Variants in OCA2 observed in about 807,000 individuals in gnomAD.
OCA2 encodes the protein OCA2 melanosomal transmembrane protein.
Under a neutral mutation model 100.2 loss-of-function variants are expected in OCA2, and 77 were observed. The ratio of observed to expected loss-of-function variants is 0.77; its 90% CI spans 0.64 to 0.93. The LOEUF is 0.93. Ranked by LOEUF, OCA2 falls within the 40% of genes least tolerant of loss-of-function variation. OCA2 has a pLI of 0.00. For missense variants in OCA2, 1,062 were observed against 1,089.1 expected, an observed-to-expected ratio of 0.98 and a Z score of 0.35; for synonymous variants, 432 against 439.2, an observed-to-expected ratio of 0.98 and a Z score of 0.21.
chr15:27,757,027 A>G (rs2030433311), intron 23 of OCA2, among the ~76,000 whole-genome samples: 1 of 152,174 alleles, frequency 6.6e-6, no homozygotes, highest in African/African-American at 2.4e-5. Flanking sequence ...CTCCCTCACA[A>G]CACCTAGTCA....
Position 27,951,835 on chromosome 15 carries a change from T to C in OCA2, c.1900A>G (p.Ile634Val). ...AACGAATTGAGGAAAAACATGAAGA[T>C]AACAAATCCCAACACTGTCAGGCAT... ...AKCLTVLGFV[I>V]FMFFLNSFVP... The change falls in exon 18 of 24, where the codon ATC becomes GTC. Residue 634 changes from isoleucine (I) to valine (V), a missense_variant. Ile to Val is a conservative substitution (Grantham distance 29). Transcript: ENST00000354638. The C allele has an allele frequency of 6.2e-7, 1 of 1,613,986 alleles. No homozygotes were observed. The highest frequency in any genetic ancestry group is 1.3e-5 in the African/African-American group (1 of 75,006).
rs139853866 is a variant in OCA2, at chr15:27,985,064, C to T, written c.1364G>A (p.Arg455Lys). The T allele has an allele frequency of 1.3e-4, 203 of 1,613,840 alleles. 1 individual carries two copies. The Admixed American group carries it at 3.3e-3, about 26-fold the overall frequency. Reference protein sequence around the residue: ...TMLLFTPVTIRLCEVLNLDPR... With the variant: ...TMLLFTPVTIKLCEVLNLDPR... ...CCCACGGCAGAGGTGCTTTGCGTAC[C>T]TTATGGTCACAGGCGTGAAGAGGAG... is the stretch of plus-strand genomic sequence containing the variant. The change falls in exon 13 of 24, where the codon AGG becomes AAG. Residue 455 changes from arginine (R) to lysine (K), a missense_variant and splice_region_variant. Physicochemically the swap from Arg to Lys is conservative, Grantham distance 26. Transcript: ENST00000354638.
At chr15:28,030,764 G>A (rs374581959) in intron 3 of OCA2, among the ~76,000 whole-genome samples, 21 of 152,318 alleles carry the variant, frequency 1.4e-4, no homozygotes, top group East Asian at 1.2e-3. Flanking sequence ...GCAGGGAAAG[G>A]AGAATCCATG....
At chr15:28,042,602 C>T (rs1195055011) in intron 2 of OCA2, among the ~76,000 whole-genome samples, 7 of 151,704 alleles carry the variant, frequency 4.6e-5, no homozygotes, top group Non-Finnish European at 7.4e-5. Flanking sequence ...ATTGCACCAC[C>T]GCACTCCAGC....
chr15:27,813,610 C>T (rs1394819671), intron 23 of OCA2, among the ~76,000 whole-genome samples: 1 of 152,156 alleles, frequency 6.6e-6, no homozygotes, highest in East Asian at 1.9e-4. Context: ...CTTTCATCTC[C>T]ATTCAAGGCT....
chr15:27,990,832 T>G (rs1417162232), intron 9 of OCA2, among the ~76,000 whole-genome samples, 185 bp from the exon 10 acceptor site: 1 of 152,224 alleles, frequency 6.6e-6, no homozygotes, highest in Non-Finnish European at 1.5e-5. Context: ...ACCACCAACG[T>G]GCCATCTAAG....
At chr15:27,997,187 AAAG>A (rs1026516924) in intron 9 of OCA2, among the ~76,000 whole-genome samples, 22 of 150,920 alleles carry the variant, frequency 1.5e-4, no homozygotes, top group Admixed American at 8.6e-4. Context: ...GAGAGAAAGA[AAAG>A]AAGAGAGGAA....
At chr15:28,025,696 G>T (rs1244535867) in intron 4 of OCA2, among the ~76,000 whole-genome samples, 1 of 152,194 alleles carries the variant, frequency 6.6e-6, no homozygotes, top group Non-Finnish European at 1.5e-5. Context: ...GCCCAGTCCA[G>T]GTTGTGCTCT....
At position 28,079,354 on chromosome 15, in the gene OCA2, A is replaced by G. The variant is rs892962304; in HGVS notation, c.227+2294T>C. On this transcript the variant is annotated intron_variant, in intron 2 of 23. Coordinates refer to ENST00000354638, the MANE Select transcript of OCA2 (RefSeq NM_000275.3). ...TCATGAAACAAGAAGGGCAAAATGT[A>G]ATAAAACTCTTCAGTAACCTTTAGC... 4.0e-5 allele frequency among the ~76,000 whole-genome samples: 6 copies of G among 151,230 alleles called. 1 individual carries two copies. Among genetic ancestry groups the G allele is most frequent in the African/African-American group, 1.5e-4 (6 of 41,152 alleles).
At chr15:28,074,751 G>A (rs1055204904) in intron 2 of OCA2, among the ~76,000 whole-genome samples, 2 of 151,334 alleles carry the variant, frequency 1.3e-5, no homozygotes, top group Admixed American at 1.3e-4. Context: ...GGAGGCTGAG[G>A]CAGGAGAATC....
At position 27,814,945 on chromosome 15, in the gene OCA2, T is replaced by TAGATAGATAGAG. The variant is rs71132822; in HGVS notation, c.2432+30013_2432+30014insCTCTATCTATCT. ...ATAGATAGATAGATAGATAGATAGA[T>TAGATAGATAGAG]ACAGAGATATATATATATATATCTT... On this transcript the variant is annotated intron_variant, in intron 23 of 23. Coordinates refer to ENST00000354638, the MANE Select transcript of OCA2 (RefSeq NM_000275.3). Among the ~76,000 whole-genome samples the TAGATAGATAGAG allele has an allele frequency of 9.3e-3, 1,000 of 107,428 alleles. 32 individuals carry two copies. The highest frequency in any genetic ancestry group is 0.01 in the Non-Finnish European group (491 of 48,096). The allele number at this position is 107,428 out of a possible 152,430, so 70.5% of individuals were successfully genotyped here. A position where few individuals can be genotyped will look rare whatever the true frequency, so the allele number is the denominator to read the frequency against.
chr15:28,044,765 C>T (rs2043300388), intron 2 of OCA2, among the ~76,000 whole-genome samples: 1 of 152,190 alleles, frequency 6.6e-6, no homozygotes, highest in Non-Finnish European at 1.5e-5. Flanking sequence ...GTCTGGCCTT[C>T]TTTGTCCCTA....
At chr15:27,826,136 G>C (rs2034712706) in intron 23 of OCA2, among the ~76,000 whole-genome samples, 1 of 152,162 alleles carries the variant, frequency 6.6e-6, no homozygotes, top group South Asian at 2.1e-4. Context: ...AAAATGGTAA[G>C]CAATGGCCTG....
In OCA2 at chr15:28,022,188, T is replaced by G. The variant is rs2042614205; in HGVS notation, c.646+313A>C. Among the ~76,000 whole-genome samples, 5 of 152,172 alleles carry G rather than the reference T, an allele frequency of 3.3e-5. No individual in the cohort carries two copies. In the South Asian group the frequency reaches 1.0e-3, roughly 32 times the overall value. ...GCAGGGACTGGAAGATGGGTCACGC[T>G]GAACGCAAAAGAGACGGGGGAGGAA... On this transcript the variant is annotated intron_variant, in intron 6 of 23. Transcript: ENST00000354638.
intron 23 of OCA2, among the ~76,000 whole-genome samples, chr15:27,824,602 C>CTCTCTCTCTATATATATATAATATATATA: frequency 2.1e-5 from 1 of 47,610 alleles, no homozygotes; most frequent in Non-Finnish European, 3.1e-5. Flanking sequence ...CTCTCTCTCT[C>CTCTCTCTCTATATATATATAATATATATA]TATATATATA....
At chr15:27,753,300 T>G (rs2030136370), downstream of OCA2, among the ~76,000 whole-genome samples, 9 of 117,044 alleles carry the variant, frequency 7.7e-5, no homozygotes, top group South Asian at 2.8e-4. Context: ...AGACCCAGGG[T>G]GGGTGTAACA....
downstream of OCA2, among the ~76,000 whole-genome samples, chr15:27,751,256 G>A (rs749575503): frequency 2.1e-4 from 32 of 152,176 alleles, no homozygotes; most frequent in Non-Finnish European, 4.1e-4. Context: ...CCTATGAAAT[G>A]GTGGACCCTT....
chr15:27,747,553 G>T, the OCA2 span, among the ~76,000 whole-genome samples: 1 of 152,140 alleles, frequency 6.6e-6, no homozygotes, highest in Admixed American at 6.5e-5. Context: ...TGACTGAGGG[G>T]AGCAGTGAGC....
chr15:28,084,181 A>G (rs2044732798), intron 1 of OCA2, among the ~76,000 whole-genome samples: 1 of 152,214 alleles, frequency 6.6e-6, no homozygotes, highest in African/African-American at 2.4e-5. Flanking sequence ...GTGAACCAGG[A>G]GGTGGGCCTC....
Sources: allele counts gnomAD v4.1 joint callset (sites outside exome capture counted in the v4.1 genomes callset), GRCh38; gene constraint gnomAD v4.1.1; transcripts MANE v1.5; gene names NCBI Gene and HGNC (gene_info 2026-07-23, HGNC 2026-07-21).